VWA8: variants seen among roughly 807,000 people sequenced by gnomAD.
The protein encoded by VWA8 is von Willebrand factor A domain containing 8.
In VWA8, 221 loss-of-function variants were observed where a neutral mutation model predicts 241.5. The observed-to-expected ratio is 0.91, with a 90% confidence interval of 0.82 to 1.02. The LOEUF is 1.02. VWA8 is among the 50% of genes least tolerant of loss of function. The probability of loss-of-function intolerance (pLI) is 0.00; values close to 1 mark genes in which losing one functional copy is unlikely to be tolerated. For synonymous variants in VWA8, 852 were observed against 827.1 expected, an observed-to-expected ratio of 1.03 and a Z score of -0.52; for missense variants, 2,322 against 2,328.7, an observed-to-expected ratio of 1.00 and a Z score of 0.06.
chr13:41,570,440 C>T (rs2044292703), intron 44 of VWA8, 28 bp downstream of exon 44: 2 of 1,598,546 alleles, frequency 1.3e-6, no homozygotes, highest in Admixed American at 1.7e-5. Context: ...TGTACCTGCC[C>T]TTTTCTGTAT....
intron 2 of VWA8, among the ~76,000 whole-genome samples, chr13:41,917,223 A>G (rs1282063183): frequency 6.6e-6 from 1 of 152,158 alleles, no homozygotes; most frequent in South Asian, 2.1e-4. Context: ...AAAATTAAGC[A>G]TAGGTCAGAT....
At chr13:41,597,103 T>C (rs2139651534) in intron 40 of VWA8, among the ~76,000 whole-genome samples, 1 of 152,216 alleles carries the variant, frequency 6.6e-6, no homozygotes, top group South Asian at 2.1e-4. Context: ...TTCTACAGAA[T>C]AAAGCCTACA....
At chr13:41,777,317 T>TCTC (rs1181784929) in intron 20 of VWA8, among the ~76,000 whole-genome samples, 1 of 152,118 alleles carries the variant, frequency 6.6e-6, no homozygotes, top group Non-Finnish European at 1.5e-5. Flanking sequence ...AGGGAAGGTC[T>TCTC]CTCTTCCATG....
At chr13:41,861,897 A>C (rs1873023883) in intron 12 of VWA8, among the ~76,000 whole-genome samples, 1 of 152,218 alleles carries the variant, frequency 6.6e-6, no homozygotes. Context: ...ATTAAATGCT[A>C]TTCCTATCAA....
At chr13:41,824,151 G>T (rs1871081549) in intron 14 of VWA8, among the ~76,000 whole-genome samples, 1 of 152,166 alleles carries the variant, frequency 6.6e-6, no homozygotes, top group Admixed American at 6.5e-5. Context: ...CTTGGAAAGG[G>T]CTAGAGGAAT....
At chr13:41,922,269 A>G (rs1484602503) in intron 2 of VWA8, among the ~76,000 whole-genome samples, 1 of 152,234 alleles carries the variant, frequency 6.6e-6, no homozygotes, top group Non-Finnish European at 1.5e-5. Flanking sequence ...CTTACACCCT[A>G]TACAAAAATT....
chr13:41,865,391 A>G (rs1873242526), intron 12 of VWA8: 1 of 317,268 alleles, frequency 3.2e-6, no homozygotes, highest in Admixed American at 4.5e-5. Flanking sequence ...CATTCTACTT[A>G]TTTATCAAAC....
In VWA8 at chr13:41,875,024, C is replaced by T. The variant is rs183688308; in HGVS notation, c.1081-6547G>A. Among the ~76,000 whole-genome samples the T allele has an allele frequency of 2.9e-4, 44 of 152,256 alleles. No individual in the cohort carries two copies. In the East Asian group the frequency reaches 6.6e-3, roughly 23 times the overall value. ...ATATTAAATGTATCTATTTGGCTCA[C>T]TCCAAATTTCCAGAACCTAGAATCA... On this transcript the variant is annotated intron_variant, in intron 9 of 44. Coordinates refer to ENST00000379310, the MANE Select transcript of VWA8 (RefSeq NM_015058.2).
intron 2 of VWA8, among the ~76,000 whole-genome samples, chr13:41,946,330 C>T (rs1877849622): frequency 6.6e-6 from 1 of 152,030 alleles, no homozygotes; most frequent in Admixed American, 6.6e-5. Context: ...CTCAAATCCA[C>T]ATGAAGAAAT....
chr13:41,813,713 G>T (rs773670709), intron 16 of VWA8, among the ~76,000 whole-genome samples: 1 of 152,056 alleles, frequency 6.6e-6, no homozygotes, highest in Non-Finnish European at 1.5e-5. Context: ...TAATAACCAG[G>T]GTTGAGAAAA....
intron 37 of VWA8, among the ~76,000 whole-genome samples, chr13:41,641,614 G>T (rs920219446): frequency 6.6e-5 from 10 of 152,086 alleles, no homozygotes; most frequent in African/African-American, 2.4e-4. Flanking sequence ...GGCCAGTACT[G>T]CTGAGGTGCT....
At chr13:41,919,831 G>C (rs1377372994) in intron 2 of VWA8, among the ~76,000 whole-genome samples, 1 of 152,072 alleles carries the variant, frequency 6.6e-6, no homozygotes, top group African/African-American at 2.4e-5. Flanking sequence ...CTGCCTCTCA[G>C]GGACCTAGCA....
At position 41,671,087 on chromosome 13, in the gene VWA8, C is replaced by G; in HGVS notation, c.4470G>C (p.Leu1490=). ...CACCGCTTTTGTCCCACTCAGCCAG[C>G]AGTGCATCTGTGTCTGAAATGGTCG... ...WLSTISDTDA[L]LAEWDKSGVV... is the part of the protein sequence containing the mutation. The change falls in exon 37 of 45, where the codon CTG becomes CTC. Residue 1490 remains leucine, a synonymous_variant. Coordinates refer to ENST00000379310, the MANE Select transcript of VWA8 (RefSeq NM_015058.2). 6.2e-7 allele frequency: 1 copy of G among 1,613,974 alleles called. No homozygotes were observed. Among genetic ancestry groups the G allele is most frequent in the Non-Finnish European group, 8.5e-7 (1 of 1,179,890 alleles).
intron 19 of VWA8, among the ~76,000 whole-genome samples, chr13:41,781,988 AC>A (rs1379865521): frequency 6.6e-6 from 1 of 152,250 alleles, no homozygotes; most frequent in African/African-American, 2.4e-5. Flanking sequence ...GGCACTGACT[AC>A]GGCTTCAAAG....
intron 2 of VWA8, among the ~76,000 whole-genome samples, chr13:41,913,579 A>T (rs969329955): frequency 6.6e-6 from 1 of 152,182 alleles, no homozygotes; most frequent in African/African-American, 2.4e-5. Flanking sequence ...TGACAGCACA[A>T]TATTGTTAGG....
At chr13:41,708,264 G>A (rs2045294992) in intron 26 of VWA8, among the ~76,000 whole-genome samples, 1 of 152,114 alleles carries the variant, frequency 6.6e-6, no homozygotes, top group African/African-American at 2.4e-5. Context: ...GGGAGGCTGA[G>A]GCAGGAGAAT....
chr13:41,942,693 C>T (rs990540719), intron 2 of VWA8, among the ~76,000 whole-genome samples: 2 of 152,156 alleles, frequency 1.3e-5, no homozygotes, highest in African/African-American at 4.8e-5. Context: ...ACATATTCCT[C>T]CTGAAGCATG....
intron 4 of VWA8, among the ~76,000 whole-genome samples, chr13:41,893,309 G>A (rs1403344957): frequency 2.0e-5 from 3 of 152,060 alleles, no homozygotes; most frequent in Admixed American, 2.0e-4. Flanking sequence ...TCTACATAAT[G>A]TTGTAAAATG....
intron 12 of VWA8, among the ~76,000 whole-genome samples, chr13:41,856,005 T>C (rs1018459770): frequency 3.3e-5 from 5 of 152,212 alleles, no homozygotes; most frequent in Admixed American, 6.6e-5. Context: ...CCCTGATATA[T>C]GGTAATATTA....
Sources: allele counts gnomAD v4.1 joint callset (sites outside exome capture counted in the v4.1 genomes callset), GRCh38; gene constraint gnomAD v4.1.1; transcripts MANE v1.5; gene names NCBI Gene and HGNC (gene_info 2026-07-23, HGNC 2026-07-21).